GLIPR1L1: variants seen among roughly 807,000 people sequenced by gnomAD.
GLIPR1L1 encodes the protein GLIPR1 like 1.
A neutral mutation model predicts 29.9 loss-of-function variants in GLIPR1L1; 26 were observed. That is an observed-to-expected ratio of 0.87 (90% CI 0.64 to 1.21). The LOEUF is 1.21. GLIPR1L1 is among the 50% of genes most tolerant of loss of function. The probability of loss-of-function intolerance (pLI) is 0.00; values close to 1 mark genes in which losing one functional copy is unlikely to be tolerated. For missense variants in GLIPR1L1, 305 were observed against 290.3 expected, an observed-to-expected ratio of 1.05 and a Z score of -0.37; for synonymous variants, 77 against 97.5, an observed-to-expected ratio of 0.79 and a Z score of 1.24.
intron 1 of GLIPR1L1, among the ~76,000 whole-genome samples, chr12:75,343,216 G>C (rs916962249): frequency 1.3e-5 from 2 of 151,910 alleles, no homozygotes; most frequent in Admixed American, 1.3e-4. Context: ...TCCTAATCTT[G>C]AGGGAAAGTT....
chr12:75,363,077 TAATC>T, intron 3 of GLIPR1L1, 21 bp from the exon 4 acceptor site: 1 of 1,270,196 alleles, frequency 7.9e-7, no homozygotes, highest in Non-Finnish European at 1.1e-6. Flanking sequence ...GCCATTTGGC[TAATC>T]AATGTTTCTC....
intron 1 of GLIPR1L1, among the ~76,000 whole-genome samples, chr12:75,339,373 TG>T (rs1172298504): frequency 6.6e-6 from 1 of 152,200 alleles, no homozygotes; most frequent in Admixed American, 6.5e-5. Flanking sequence ...TTTTTTCATT[TG>T]TTTTTTTGGC....
intron 2 of GLIPR1L1, among the ~76,000 whole-genome samples, chr12:75,344,143 T>A (rs988878209): frequency 5.9e-5 from 9 of 152,130 alleles, no homozygotes; most frequent in Non-Finnish European, 1.3e-4. Flanking sequence ...TTTTTGAAGT[T>A]GTAAGTCTAT....
intron 1 of GLIPR1L1, 50 bp downstream of exon 1, chr12:75,334,952 T>C (rs2041621180): frequency 2.0e-6 from 3 of 1,515,930 alleles, no homozygotes; most frequent in Non-Finnish European, 1.8e-6. Flanking sequence ...CATCCTGAGG[T>C]ATCTGGGTGA....
At chr12:75,358,815 T>TA (rs948374126) in intron 3 of GLIPR1L1, among the ~76,000 whole-genome samples, 2 of 144,424 alleles carry the variant, frequency 1.4e-5, no homozygotes, top group African/African-American at 5.0e-5. Flanking sequence ...TATATATGTT[T>TA]AAATATATAT....
At chr12:75,350,327 TG>T (rs1010674399) in intron 3 of GLIPR1L1, among the ~76,000 whole-genome samples, 1 of 152,212 alleles carries the variant, frequency 6.6e-6, no homozygotes, top group African/African-American at 2.4e-5. Flanking sequence ...CTGAGGAGTC[TG>T]GGTAGTCTGG....
intron 1 of GLIPR1L1, among the ~76,000 whole-genome samples, chr12:75,340,309 G>A (rs764907423): frequency 7.2e-5 from 11 of 151,756 alleles, no homozygotes; most frequent in East Asian, 1.9e-4. Context: ...TTTCCTCTGC[G>A]TAGATTTTTG....
chr12:75,359,122 A>G (rs1211338031), intron 3 of GLIPR1L1, among the ~76,000 whole-genome samples: 1 of 150,370 alleles, frequency 6.7e-6, no homozygotes, highest in African/African-American at 2.4e-5. Flanking sequence ...AGGATACAAA[A>G]TTAGTATACA....
At chr12:75,362,979 T>C in intron 3 of GLIPR1L1, 123 bp from the exon 4 acceptor site, 1 of 523,354 alleles carries the variant, frequency 1.9e-6, no homozygotes. Context: ...AATTGAGACA[T>C]TATTATTTTT....
intron 3 of GLIPR1L1, among the ~76,000 whole-genome samples, chr12:75,354,691 A>G (rs2043036684): frequency 6.6e-6 from 1 of 152,222 alleles, no homozygotes; most frequent in South Asian, 2.1e-4. Flanking sequence ...AGCAGAAAAG[A>G]ACAAAGCTGG....
Position 75,334,837 on chromosome 12 carries a change from T to G in GLIPR1L1, c.109T>G (p.Cys37Gly). ...SITDPHFIDN[C>G]IEAHNEWRGK... is the part of the protein sequence containing the mutation. ...CACTGACCCACACTTTATAGACAAC[T>G]GCATAGAAGCCCACAACGAATGGCG... The change falls in exon 1 of 6, where the codon TGC becomes GGC. Residue 37 changes from cysteine to glycine, a missense_variant. Physicochemically the swap from Cys to Gly is radical, Grantham distance 159. Coordinates refer to ENST00000378695, the MANE Select transcript of GLIPR1L1 (RefSeq NM_001304964.2). The G allele has an allele frequency of 6.2e-7, 1 of 1,614,118 alleles. No homozygotes were observed. The highest frequency in any genetic ancestry group is 8.5e-7 in the Non-Finnish European group (1 of 1,180,006).
intron 4 of GLIPR1L1, 138 bp downstream of exon 4, chr12:75,363,328 T>C: frequency 2.5e-6 from 1 of 403,128 alleles, no homozygotes; most frequent in Middle Eastern, 6.7e-4. Context: ...ATAAATCATG[T>C]CATAAATTGT....
At chr12:75,363,068 C>A in intron 3 of GLIPR1L1, 34 bp from the exon 4 acceptor site, 2 of 1,110,738 alleles carry the variant, frequency 1.8e-6, no homozygotes, top group Non-Finnish European at 2.6e-6. Context: ...AAATTAACAG[C>A]CATTTGGCTA....
rs1204792609 is a variant in GLIPR1L1 at position 75,334,760 on chromosome 12, G to A, written c.32G>A (p.Trp11Ter). The A allele has an allele frequency of 1.1e-5, 17 of 1,613,920 alleles. No individual in the cohort carries two copies. Among genetic ancestry groups the A allele is most frequent in the Admixed American group, 3.3e-5 (2 of 59,974 alleles). ...CTGAAGAATAAATTCAGTTGTTTAT[G>A]GATCTTGGGTCTGTGTTTGGTAGCC... MALKNKFSCL[W>*]ILGLCLVATT... Residue 11 changes from tryptophan (W) to a stop codon, truncating the protein, a stop_gained, in exon 1 of 6, where the codon TGG becomes TAG. Coordinates refer to ENST00000378695, the MANE Select transcript of GLIPR1L1 (RefSeq NM_001304964.2). LOFTEE classifies it high-confidence loss of function.
Position 75,338,701 on chromosome 12 carries a change from C to T in GLIPR1L1, c.174+3799C>T, listed in dbSNP as rs547443410. On this transcript the variant is annotated intron_variant, in intron 1 of 5. Transcript: ENST00000378695. ...GCTGCACAGATCAACCAATCACCCA[C>T]GTATTAAGCCCAGCATCTATTAGCT... 3.0e-4 allele frequency among the ~76,000 whole-genome samples: 46 copies of T among 152,160 alleles called. 1 individual carries two copies. In the South Asian group the frequency reaches 9.1e-3, roughly 30 times the overall value.
intron 1 of GLIPR1L1, among the ~76,000 whole-genome samples, chr12:75,341,380 G>C (rs1457689373): frequency 1.3e-5 from 2 of 152,184 alleles, no homozygotes; most frequent in African/African-American, 4.8e-5. Context: ...ATTATGCTGA[G>C]TGAAGAGAAG....
intron 1 of GLIPR1L1, among the ~76,000 whole-genome samples, chr12:75,339,865 A>T (rs2041985997): frequency 6.6e-6 from 1 of 151,930 alleles, no homozygotes; most frequent in Admixed American, 6.6e-5. Flanking sequence ...ATTTTGGTGC[A>T]CCCATCGCCC....
chr12:75,367,101 A>G, intron 4 of GLIPR1L1: 1 of 692,072 alleles, frequency 1.4e-6, no homozygotes. Flanking sequence ...TTTGGGGAGA[A>G]AACGTAATGG....
intron 3 of GLIPR1L1, among the ~76,000 whole-genome samples, chr12:75,356,042 G>C (rs1436134993): frequency 6.6e-6 from 1 of 152,018 alleles, no homozygotes; most frequent in East Asian, 1.9e-4. Flanking sequence ...CTTAATACCT[G>C]GGTGATGAGT....
Sources: gnomAD v4.1 joint callset for allele counts (sites outside exome capture counted in the v4.1 genomes callset) on GRCh38, gnomAD v4.1.1 for gene constraint, MANE v1.5 for transcripts, NCBI Gene and HGNC (gene_info 2026-07-23, HGNC 2026-07-21) for gene names.